Variants in EEFSEC observed in about 807,000 individuals in gnomAD.
EEFSEC encodes the protein eukaryotic elongation factor, selenocysteine-tRNA specific.
Under a neutral mutation model 42.1 loss-of-function variants are expected in EEFSEC, and 43 were observed. That is an observed-to-expected ratio of 1.02 (90% CI 0.80 to 1.32). The LOEUF (loss-of-function observed/expected upper bound fraction) is 1.32, where lower values mean the gene tolerates loss of function less well. Ranked by LOEUF, EEFSEC falls within the 40% of genes most tolerant of loss-of-function variation. The probability of loss-of-function intolerance (pLI) is 0.00; values close to 1 mark genes in which losing one functional copy is unlikely to be tolerated. For missense variants in EEFSEC, 745 were observed against 803.6 expected, an observed-to-expected ratio of 0.93 and a Z score of 0.88; for synonymous variants, 354 against 339.1, an observed-to-expected ratio of 1.04 and a Z score of -0.48.
chr3:128,199,341 A>G (rs2065619912), intron 1 of EEFSEC, among the ~76,000 whole-genome samples: 1 of 152,100 alleles, frequency 6.6e-6, no homozygotes, highest in Non-Finnish European at 1.5e-5. Flanking sequence ...GTCCACATAT[A>G]TGTATATTTA....
At position 128,153,570 on chromosome 3, in the gene EEFSEC, G is replaced by T; in HGVS notation, c.63G>T (p.Thr21=). The change falls in exon 1 of 7, where the codon ACG becomes ACT. Residue 21 remains threonine (T), a synonymous_variant. Transcript: ENST00000254730. ...TGGGCCACATCGACAGCGGCAAGAC[G>T]GCGCTGGCGCGGGCGCTAAGCACCA... ...GVLGHIDSGK[T]ALARALSTTA... is the part of the protein sequence containing the mutation. 6.5e-7 allele frequency: 1 copy of T among 1,542,866 alleles called. No homozygotes were observed. Among genetic ancestry groups the T allele is most frequent in the Non-Finnish European group, 8.7e-7 (1 of 1,151,766 alleles).
intron 5 of EEFSEC, among the ~76,000 whole-genome samples, chr3:128,354,587 G>A (rs2067429308): frequency 6.6e-6 from 1 of 152,156 alleles, no homozygotes; most frequent in Middle Eastern, 3.2e-3. Flanking sequence ...CTTTGTTTAT[G>A]TAGCACTTAA....
chr3:128,301,195 G>A (rs2066764200), intron 4 of EEFSEC, among the ~76,000 whole-genome samples: 1 of 152,200 alleles, frequency 6.6e-6, no homozygotes. Flanking sequence ...AGTTGAAGCA[G>A]CCAGTGAAGC....
intron 4 of EEFSEC, among the ~76,000 whole-genome samples, chr3:128,340,869 C>G (rs1475702417): frequency 6.6e-6 from 1 of 152,122 alleles, no homozygotes. Context: ...CTGGAAAATG[C>G]TAGCATGATT....
chr3:128,353,358 AGGGGCTGACT>A (rs1013083339), intron 5 of EEFSEC, among the ~76,000 whole-genome samples: 5 of 152,206 alleles, frequency 3.3e-5, no homozygotes, highest in Admixed American at 3.3e-4. Context: ...TCAGTGTGGC[AGGGGCTGACT>A]GGGCTGGAAC....
At chr3:128,176,840 T>A (rs1391574778) in intron 1 of EEFSEC, among the ~76,000 whole-genome samples, 1 of 152,082 alleles carries the variant, frequency 6.6e-6, no homozygotes, top group African/African-American at 2.4e-5. Context: ...AAGCTTTTAA[T>A]AAACATCATT....
chr3:128,181,522 AGCG>A (rs1348059235), intron 1 of EEFSEC, among the ~76,000 whole-genome samples: 1 of 152,222 alleles, frequency 6.6e-6, no homozygotes, highest in African/African-American at 2.4e-5. Flanking sequence ...ACAAAAGAGA[AGCG>A]GTGATATAAA....
intron 6 of EEFSEC, among the ~76,000 whole-genome samples, chr3:128,378,909 C>T (rs1428319634): frequency 6.6e-6 from 1 of 152,240 alleles, no homozygotes; most frequent in African/African-American, 2.4e-5. Context: ...GGGCATTCCA[C>T]TGGGTTCTGT....
intron 4 of EEFSEC, among the ~76,000 whole-genome samples, chr3:128,331,223 T>C (rs986837082): frequency 2.1e-3 from 38 of 18,204 alleles, no homozygotes; most frequent in Admixed American, 4.5e-3. Context: ...TCCCCTCTTC[T>C]CCCCTTCCTC....
chr3:128,162,769 C>T (rs1051769638), intron 1 of EEFSEC, among the ~76,000 whole-genome samples: 2 of 152,070 alleles, frequency 1.3e-5, no homozygotes, highest in African/African-American at 2.4e-5. Context: ...TTTTTGTAGT[C>T]GTGCTAGGAA....
At chr3:128,243,954 G>A (rs889199364) in intron 1 of EEFSEC, among the ~76,000 whole-genome samples, 12 of 152,320 alleles carry the variant, frequency 7.9e-5, no homozygotes, top group African/African-American at 2.9e-4. Context: ...TGTAAATTAG[G>A]GGCTAGGTAG....
chr3:128,180,374 C>T (rs2065393471), intron 1 of EEFSEC, among the ~76,000 whole-genome samples: 1 of 152,210 alleles, frequency 6.6e-6, no homozygotes, highest in African/African-American at 2.4e-5. Context: ...CGTTTTTCTT[C>T]TTCTACACAG....
chr3:128,172,921 T>G (rs1286116966), intron 1 of EEFSEC, among the ~76,000 whole-genome samples: 1 of 152,206 alleles, frequency 6.6e-6, no homozygotes, highest in Non-Finnish European at 1.5e-5. Context: ...CTTTTACTCT[T>G]TTGTAATCGC....
intron 1 of EEFSEC, among the ~76,000 whole-genome samples, chr3:128,194,871 A>G (rs940061): frequency 0.13 from 20,309 of 152,234 alleles, 1,557 homozygotes; most frequent in Admixed American, 0.2. Context: ...GATCTAGGTG[A>G]CTTTTAATTT....
At chr3:128,232,743 C>T (rs946453766) in intron 1 of EEFSEC, among the ~76,000 whole-genome samples, 6 of 152,160 alleles carry the variant, frequency 3.9e-5, no homozygotes, top group Non-Finnish European at 8.8e-5. Context: ...GCAAAGTCAG[C>T]TAAAAAGATT....
chr3:128,302,774 G>A (rs1331359995), intron 4 of EEFSEC, among the ~76,000 whole-genome samples: 2 of 152,072 alleles, frequency 1.3e-5, no homozygotes, highest in African/African-American at 4.8e-5. Context: ...ACAATTTTAT[G>A]CATATACTCA....
intron 5 of EEFSEC, among the ~76,000 whole-genome samples, chr3:128,353,225 C>G (rs1576663982): frequency 6.6e-6 from 1 of 152,150 alleles, no homozygotes; most frequent in South Asian, 2.1e-4. Flanking sequence ...TATGATGACA[C>G]CAAGTAAAGA....
At chr3:128,279,464 A>G (rs902566104) in intron 4 of EEFSEC, among the ~76,000 whole-genome samples, 2 of 152,044 alleles carry the variant, frequency 1.3e-5, no homozygotes, top group Non-Finnish European at 2.9e-5. Flanking sequence ...TCCCTGGCGG[A>G]GAACCAGTGG....
In EEFSEC at chr3:128,341,248, A is replaced by T; in HGVS notation, c.802A>T (p.Lys268Ter). Residue 268 changes from lysine (K) to a stop codon, truncating the protein, a stop_gained, in exon 5 of 7, where the codon AAG becomes TAG. Coordinates refer to ENST00000254730, the MANE Select transcript of EEFSEC (RefSeq NM_021937.5). LOFTEE classifies it high-confidence loss of function. The stretch of plus-strand genomic sequence containing the variant: ...TCCCCATCAGGTGGTGAAGAAGGTG[A>T]AGTCCATGCAGATGTTCCACATGCC... Reference protein sequence around the residue: ...IPALKVVKKVKSMQMFHMPIT... With the variant: ...IPALKVVKKV The T allele has an allele frequency of 6.2e-7, 1 of 1,609,246 alleles. No individual in the cohort carries two copies. The highest frequency in any genetic ancestry group is 8.5e-7 in the Non-Finnish European group (1 of 1,177,424).
Sources: allele counts gnomAD v4.1 joint callset (sites outside exome capture counted in the v4.1 genomes callset), GRCh38; gene constraint gnomAD v4.1.1; transcripts MANE v1.5; gene names NCBI Gene and HGNC (gene_info 2026-07-23, HGNC 2026-07-21).